The following ALKBH3 variants were observed in gnomAD, a reference collection of about 807,000 sequenced individuals.
ALKBH3 encodes alkB homolog 3, alpha-ketoglutarate dependent dioxygenase.
In ALKBH3, 51 loss-of-function variants were observed where a neutral mutation model predicts 43.9. The observed-to-expected ratio is 1.16, with a 90% CI of 0.93 to 1.47. The LOEUF is 1.47. Ranked by LOEUF, ALKBH3 falls within the 40% of genes most tolerant of loss-of-function variation. The pLI is 0.00. For synonymous variants in ALKBH3, 102 were observed against 115.2 expected (o/e 0.89, Z 0.73); for missense variants, 361 against 351.9 (o/e 1.03, Z -0.21).
chr11:43,916,374 G>A (rs765646655), intron 8 of ALKBH3, among the ~76,000 whole-genome samples: 2 of 152,210 alleles, frequency 1.3e-5, no homozygotes, highest in Non-Finnish European at 1.5e-5. Flanking sequence ...ATGTTGATCA[G>A]CATTAATATA....
At chr11:43,917,530 C>T (rs896929857) in intron 8 of ALKBH3, among the ~76,000 whole-genome samples, 7 of 152,344 alleles carry the variant, frequency 4.6e-5, no homozygotes, top group African/African-American at 1.2e-4. Context: ...GAACCTTGAT[C>T]TGATAGCTGA....
intron 8 of ALKBH3, among the ~76,000 whole-genome samples, chr11:43,908,106 T>C (rs1951908938): frequency 6.6e-6 from 1 of 152,240 alleles, no homozygotes. Context: ...GAGAATACTC[T>C]ATCACCTGGC....
intron 9 of ALKBH3, chr11:43,919,643 A>G (rs1413233956): frequency 2.7e-6 from 1 of 375,728 alleles, no homozygotes; most frequent in Non-Finnish European, 4.9e-6. Flanking sequence ...GTTTTATGAG[A>G]TTTGGGAAAT....
rs557540420 is a variant in ALKBH3 at position 43,896,828 on chromosome 11, G to A, written c.460-4688G>A. Among the ~76,000 whole-genome samples the A allele has an allele frequency of 2.6e-4, 39 of 152,280 alleles. No individual in the cohort carries two copies. In the South Asian group the frequency reaches 7.9e-3, roughly 31 times the overall value. On this transcript the variant is annotated intron_variant, in intron 7 of 9. Transcript: ENST00000302708. ...ATTTAGAAGATCTGTGTAACTTAGT[G>A]AACTAATATTTTCCAGATGACCAGT...
intron 4 of ALKBH3, among the ~76,000 whole-genome samples, chr11:43,884,506 A>G (rs556790381): frequency 1.4e-3 from 207 of 151,460 alleles, no homozygotes; most frequent in Non-Finnish European, 1.5e-3. Flanking sequence ...TTCTTCTTAT[A>G]TTGATCTGTG....
chr11:43,891,944 A>G (rs1951787021), intron 6 of ALKBH3, 97 bp from the exon 7 acceptor site: 14 of 880,184 alleles, frequency 1.6e-5, no homozygotes, highest in Non-Finnish European at 2.5e-5. Flanking sequence ...TTTCTTTTGT[A>G]TTTCTCATAG....
chr11:43,893,537 C>T (rs1951798468), intron 7 of ALKBH3, among the ~76,000 whole-genome samples: 1 of 152,104 alleles, frequency 6.6e-6, no homozygotes, highest in East Asian at 1.9e-4. Context: ...AGAAACTGCA[C>T]ATAAACAGGA....
Position 43,920,051 on chromosome 11 carries a change from A to G in ALKBH3, c.*41A>G, listed in dbSNP as rs922364345. On this transcript the variant is annotated 3_prime_UTR_variant, in exon 10 of 10. Transcript: ENST00000302708. ...AGAGAAGCTTCACTGAAACGGAGCAAACCTTCCACTGAGAAGCCACTTCAA... is the reference window on the plus strand; with the variant it reads ...AGAGAAGCTTCACTGAAACGGAGCAGACCTTCCACTGAGAAGCCACTTCAA... 1.3e-6 allele frequency: 2 copies of G among 1,560,960 alleles called. No homozygotes were observed. Among genetic ancestry groups the G allele is most frequent in the African/African-American group, 2.7e-5 (2 of 73,696 alleles).
chr11:43,920,219 C>T lies in ALKBH3; in HGVS notation c.*209C>T, dbSNP rs1404301723. 1.9e-6 allele frequency: 1 copy of T among 530,616 alleles called. No homozygotes were observed. The highest frequency in any genetic ancestry group is 3.4e-6 in the Non-Finnish European group (1 of 297,696). The allele number at this position is 530,616 out of a possible 1,614,324, so 32.9% of individuals were successfully genotyped here. On this transcript the variant is annotated 3_prime_UTR_variant, in exon 10 of 10. Transcript: ENST00000302708. ...TGGGAACAGTTATCCCTAACCACAG[C>T]TCAAAATCGCTATCATCTTTAGGCA...
At chr11:43,887,875 G>A (rs1006955737) in intron 5 of ALKBH3, among the ~76,000 whole-genome samples, 1 of 151,328 alleles carries the variant, frequency 6.6e-6, no homozygotes, top group African/African-American at 2.4e-5. Flanking sequence ...TGCAAGCTCC[G>A]CCTCCAGGGT....
At position 43,882,694 on chromosome 11, in the gene ALKBH3, G is replaced by A; in HGVS notation, c.42G>A (p.Trp14Ter). 1 of 1,613,584 alleles carries A rather than the reference G, an allele frequency of 6.2e-7. No homozygotes were observed. The highest frequency in any genetic ancestry group is 8.5e-7 in the Non-Finnish European group (1 of 1,179,844). Reference protein sequence around the residue: ...KRRRARVQGAWAAPVKSQAIA... With the variant: ...KRRRARVQGA ...GGCGAGCCCGAGTTCAGGGAGCCTG[G>A]GCTGCCCCTGTTAAAAGCCAGGCCA... Residue 14 changes from tryptophan to a stop codon, truncating the protein, a stop_gained, in exon 2 of 10, where the codon TGG becomes TGA. Coordinates refer to ENST00000302708, the MANE Select transcript of ALKBH3 (RefSeq NM_139178.4). LOFTEE classifies it high-confidence loss of function.
intron 7 of ALKBH3, chr11:43,897,583 A>G: frequency 1.2e-6 from 1 of 802,330 alleles, no homozygotes. Flanking sequence ...GACACTGTGA[A>G]TGAATTCAAG....
chr11:43,891,191 A>C (rs1951781405), intron 6 of ALKBH3, among the ~76,000 whole-genome samples: 1 of 152,156 alleles, frequency 6.6e-6, no homozygotes, highest in Non-Finnish European at 1.5e-5. Context: ...GCCTTCTCTC[A>C]ACTCCCACAG....
intron 8 of ALKBH3, chr11:43,912,580 G>A (rs1951948410): frequency 6.6e-6 from 1 of 152,122 alleles, no homozygotes; most frequent in African/African-American, 2.4e-5. Context: ...AGAGATGGAG[G>A]TTTTTCTATT....
intron 7 of ALKBH3, chr11:43,898,832 A>T: frequency 1.3e-6 from 1 of 766,282 alleles, no homozygotes; most frequent in Non-Finnish European, 2.4e-6. Flanking sequence ...GGAAATGACT[A>T]CCAGGGTCCT....
Position 43,901,653 on chromosome 11 carries a change from G to C in ALKBH3, c.597G>C (p.Gly199=), listed in dbSNP as rs369357642. ...ACAGTGATGATGAACCCTCACTAGG[G>C]AGGTGCCCCATTATTGCTTCACTAA... ...DWHSDDEPSL[G]RCPIIASLSF... is the part of the protein sequence containing the mutation. The change falls in exon 8 of 10, where the codon GGG becomes GGC. Residue 199 remains glycine (G), a synonymous_variant. Coordinates refer to ENST00000302708, the MANE Select transcript of ALKBH3 (RefSeq NM_139178.4). The C allele has an allele frequency of 7.4e-6, 12 of 1,614,112 alleles. No individual in the cohort carries two copies. Among genetic ancestry groups the C allele is most frequent in the Non-Finnish European group, 9.3e-6 (11 of 1,180,044 alleles).
At chr11:43,914,683 C>G (rs545396526) in intron 8 of ALKBH3, among the ~76,000 whole-genome samples, 30 of 152,188 alleles carry the variant, frequency 2.0e-4, no homozygotes, top group African/African-American at 6.3e-4. Context: ...AGAGTTGACT[C>G]TAAAATTTTT....
chr11:43,900,215 A>AATTTT (rs1554976906), intron 7 of ALKBH3, among the ~76,000 whole-genome samples: 2,539 of 87,370 alleles, frequency 0.029, 210 homozygotes, highest in South Asian at 0.078. Context: ...TTTTAATTTA[A>AATTTT]TTTTTTTTTT....
At chr11:43,884,408 A>G (rs1170812840) in intron 4 of ALKBH3, among the ~76,000 whole-genome samples, 1 of 142,308 alleles carries the variant, frequency 7.0e-6, no homozygotes, top group African/African-American at 2.6e-5. Context: ...TAGCAATGCT[A>G]TGAAAGCTGC....
Sources: allele counts gnomAD v4.1 joint callset (sites outside exome capture counted in the v4.1 genomes callset), GRCh38; gene constraint gnomAD v4.1.1; transcripts MANE v1.5; gene names NCBI Gene and HGNC (gene_info 2026-07-23, HGNC 2026-07-21).